CHD4: variants seen among roughly 807,000 people sequenced by gnomAD.
The protein encoded by CHD4 is ATP-dependent chromatin remodeler CHD4.
CHD4 carries 35 observed loss-of-function variants against 235.5 expected under a neutral mutation model. The ratio of observed to expected loss-of-function variants is 0.15; its 90% CI spans 0.11 to 0.20. The LOEUF (loss-of-function observed/expected upper bound fraction) is 0.20, where lower values mean the gene tolerates loss of function less well. Among genes scored for constraint, CHD4 ranks in the 10% least tolerant of loss-of-function variants. The pLI, the probability that CHD4 is intolerant of heterozygous loss-of-function variation, is 1.00. For synonymous variants in CHD4, 900 were observed against 850.2 expected, an observed-to-expected ratio of 1.06 and a Z score of -1.02; for missense variants, 1,329 against 2,432.3, an observed-to-expected ratio of 0.55 and a Z score of 9.54.
chr12:6,602,529 G>C (rs948801839), intron 2 of CHD4, 32 bp from the exon 3 acceptor site: 155 of 1,606,270 alleles, frequency 9.6e-5, no homozygotes, highest in Non-Finnish European at 1.2e-4. Context: ...TGGTAGGCAG[G>C]GAAAAGATCA....
At position 6,591,424 on chromosome 12, in the gene CHD4, C is replaced by T. The variant is rs1323181245; in HGVS notation, c.3340+42G>A. The T allele has an allele frequency of 4.0e-6, 6 of 1,489,192 alleles. No individual in the cohort carries two copies. The South Asian group carries it at 6.9e-5, about 17-fold the overall frequency. 92.2% of individuals were successfully genotyped at this position (1,489,192 alleles called of 1,614,324 possible). ...AGAAGTTACAGTCCAAAGATATAAG[C>T]AAATGAGGATTCCTGAAACTAAACA... On this transcript the variant is annotated intron_variant, in intron 22 of 39. Transcript: ENST00000544040.
In CHD4 at chr12:6,580,833, CCT is replaced by C. The variant is rs1395486060; in HGVS notation, c.4909+209_4909+210del. ...ACCAGCCTGGCCAACATGGTGAAAC[CCT>C]GTCTCTACTAAAAATACAAAAATTA... On this transcript the variant is annotated intron_variant, in intron 33 of 39. Transcript: ENST00000544040. 3 of 571,710 alleles carry C rather than the reference CCT, an allele frequency of 5.2e-6. No individual in the cohort carries two copies. The African/African-American group carries it at 5.7e-5, about 11-fold the overall frequency. The allele number at this position is 571,710 out of a possible 1,614,324, so 35.4% of individuals were successfully genotyped here. A position where few individuals can be genotyped will look rare whatever the true frequency, so the allele number is the denominator to read the frequency against.
At chr12:6,573,613 G>A (rs1055445200) in intron 37 of CHD4, among the ~76,000 whole-genome samples, 1 of 151,912 alleles carries the variant, frequency 6.6e-6, no homozygotes, top group Non-Finnish European at 1.5e-5. Flanking sequence ...GTTTTTTTGT[G>A]CATAGTTTTT....
At chr12:6,589,121 T>G (rs1948349083) in intron 22 of CHD4, among the ~76,000 whole-genome samples, 1 of 152,128 alleles carries the variant, frequency 6.6e-6, no homozygotes, top group Non-Finnish European at 1.5e-5. Flanking sequence ...GGCAGGCACC[T>G]GTAATCCCAG....
chr12:6,602,063 G>A lies in CHD4; in HGVS notation c.335C>T (p.Pro112Leu), dbSNP rs747906347. 10 of 1,613,410 alleles carry A rather than the reference G, an allele frequency of 6.2e-6. No homozygotes were observed. The highest frequency in any genetic ancestry group is 8.5e-6 in the Non-Finnish European group (10 of 1,179,866). Residue 112 changes from proline to leucine, a missense_variant, in exon 4 of 40, where the codon CCT becomes CTT. Physicochemically the swap from Pro to Leu is moderately conservative, Grantham distance 98 (BLOSUM62 -3). Coordinates refer to ENST00000544040, the MANE Select transcript of CHD4 (RefSeq NM_001273.5). Reference protein sequence around the residue: ...RSDSEGSDYTPGKKKKKKLGP... With the variant: ...RSDSEGSDYTLGKKKKKKLGP... ...AAGCTTCTTCTTCTTCTTCTTGCCA[G>A]GAGTATAGTCGCTGCCCTCACTGTC...
At chr12:6,588,655 G>C (rs964792282) in intron 22 of CHD4, among the ~76,000 whole-genome samples, 7 of 152,064 alleles carry the variant, frequency 4.6e-5, no homozygotes, top group African/African-American at 1.7e-4. Flanking sequence ...GTATACACCT[G>C]TAATCCCAGC....
At chr12:6,570,835 G>T in intron 39 of CHD4, 34 bp downstream of exon 39, 1 of 1,613,520 alleles carries the variant, frequency 6.2e-7, no homozygotes, top group Non-Finnish European at 8.5e-7. Context: ...TGGTTCTGCA[G>T]GAAGAGGTGG....
chr12:6,586,108 A>AT (rs1205016207), intron 25 of CHD4, among the ~76,000 whole-genome samples: 4 of 150,078 alleles, frequency 2.7e-5, no homozygotes, highest in Non-Finnish European at 4.4e-5. Flanking sequence ...TCAAAAAAAA[A>AT]ATATATAAGG....
At chr12:6,598,908 A>T (rs1948543432) in intron 10 of CHD4, among the ~76,000 whole-genome samples, 1 of 152,222 alleles carries the variant, frequency 6.6e-6, no homozygotes, top group African/African-American at 2.4e-5. Flanking sequence ...AATGCTTGGG[A>T]CCAGAAGTAT....
chr12:6,600,717 G>C (rs767839551), intron 7 of CHD4, 48 bp from the exon 8 acceptor site: 1 of 1,605,636 alleles, frequency 6.2e-7, no homozygotes, highest in South Asian at 1.1e-5. Flanking sequence ...CCAAGGGGAA[G>C]GACAGAGTGG....
rs61753200 is a variant in CHD4 at position 6,597,938 on chromosome 12, C to T, written c.1848G>A (p.Gly616=). The T allele has an allele frequency of 0.014, 22,511 of 1,614,158 alleles. 225 individuals carry two copies. The highest frequency in any genetic ancestry group is 0.015 in the Non-Finnish European group (17,145 of 1,180,032). ...GGATCATCATCCACTCGGGTTTTAT[C>T]CCATAGCGATAGAAGCGTTCCTCCA... ...AEMEERFYRY[G]IKPEWMMIHR... is the part of the protein sequence containing the mutation. Residue 616 remains glycine, a synonymous_variant, in exon 12 of 40, where the codon GGG becomes GGA. Transcript: ENST00000544040.
rs758250094 is a variant in CHD4 at position 6,601,016 on chromosome 12, A to G, written c.837T>C (p.Arg279=). 1.2e-6 allele frequency: 2 copies of G among 1,602,510 alleles called. No homozygotes were observed. The highest frequency in any genetic ancestry group is 1.3e-5 in the African/African-American group (1 of 74,270). Residue 279 remains arginine (R), a synonymous_variant, in exon 7 of 40, where the codon CGT becomes CGC. Coordinates refer to ENST00000544040, the MANE Select transcript of CHD4 (RefSeq NM_001273.5). The part of the protein sequence containing the change: ...NARRKPKGSP[R]VPDAKKPKPK... ...GTTTAGGCTTCTTGGCATCAGGTAC[A>G]CGAGGGCTGCCCTTGGGCTTCCTCC...
intron 25 of CHD4, 153 bp from the exon 26 acceptor site, chr12:6,583,531 TTTGA>T (rs1031776462): frequency 3.1e-6 from 2 of 650,334 alleles, no homozygotes; most frequent in African/African-American, 1.8e-5. Context: ...TTAGAAGAAA[TTTGA>T]TTGAGAGTAC....
In CHD4 at chr12:6,592,283, T is replaced by C. The variant is rs1314269425; in HGVS notation, c.2948+110A>G. 2.8e-6 allele frequency: 4 copies of C among 1,415,144 alleles called. No individual in the cohort carries two copies. The African/African-American group carries it at 5.7e-5, about 20-fold the overall frequency. 87.7% of individuals were successfully genotyped at this position (1,415,144 alleles called of 1,614,324 possible). A position where few individuals can be genotyped will look rare whatever the true frequency, so the allele number is the denominator to read the frequency against. Reference sequence around the variant, plus strand: ...CCTAGCATCAGGTTTCTTCAGGCCTTGCTTGCTCCTGTCACCAGATGCCTT... The same window carrying C: ...CCTAGCATCAGGTTTCTTCAGGCCTCGCTTGCTCCTGTCACCAGATGCCTT... On this transcript the variant is annotated intron_variant, in intron 19 of 39. Transcript: ENST00000544040.
Position 6,606,262 on chromosome 12 carries a change from G to A in CHD4, c.100+12C>T. On this transcript the variant is annotated intron_variant, in intron 2 of 39. Coordinates refer to ENST00000544040, the MANE Select transcript of CHD4 (RefSeq NM_001273.5). The stretch of plus-strand genomic sequence containing the variant: ...TCTCCTTCCCGCCATGGGCCCTTGG[G>A]GAAGATGTTACCTGGGTGGGGTGGG... 1.3e-6 allele frequency: 2 copies of A among 1,547,380 alleles called. No individual in the cohort carries two copies. The highest frequency in any genetic ancestry group is 1.8e-5 in the Admixed American group (1 of 56,054).
intron 6 of CHD4, 87 bp from the exon 7 acceptor site, chr12:6,601,140 T>C (rs539757855): frequency 5.2e-6 from 8 of 1,525,276 alleles, no homozygotes; most frequent in Non-Finnish European, 7.0e-6. Flanking sequence ...CTTCCCCACA[T>C]TCAGATTCCC....
chr12:6,583,782 G>A (rs1219137094), intron 25 of CHD4: 1 of 162,628 alleles, frequency 6.1e-6, no homozygotes, highest in Non-Finnish European at 1.3e-5. Context: ...GGAAGGAGAG[G>A]ATGACTATAA....
At chr12:6,581,488 C>T in intron 31 of CHD4, 100 bp from the exon 32 acceptor site, 1 of 1,505,432 alleles carries the variant, frequency 6.6e-7, no homozygotes, top group South Asian at 1.1e-5. Context: ...TCCTCTCGTG[C>T]CTTTAAGAGC....
chr12:6,605,611 A>G (rs1948680790), intron 2 of CHD4, among the ~76,000 whole-genome samples: 1 of 152,142 alleles, frequency 6.6e-6, no homozygotes, highest in Admixed American at 6.6e-5. Flanking sequence ...TCCACTCACC[A>G]GGAGGAGGAG....
Sources: gnomAD v4.1 joint callset for allele counts (sites outside exome capture counted in the v4.1 genomes callset) on GRCh38, gnomAD v4.1.1 for gene constraint, MANE v1.5 for transcripts, NCBI Gene and HGNC (gene_info 2026-07-23, HGNC 2026-07-21) for gene names.